SYT14: variants seen among roughly 807,000 people sequenced by gnomAD.
SYT14 encodes the protein synaptotagmin 14.
Under a neutral mutation model 74.2 loss-of-function variants are expected in SYT14, and 32 were observed. The ratio of observed to expected loss-of-function variants is 0.43; its 90% CI spans 0.33 to 0.58. The LOEUF is 0.58. Ranked by LOEUF, SYT14 falls within the 20% of genes least tolerant of loss-of-function variation. SYT14 has a pLI of 0.05. For synonymous variants in SYT14, 298 were observed against 337.7 expected, an observed-to-expected ratio of 0.88 and a Z score of 1.29; for missense variants, 791 against 981.8, an observed-to-expected ratio of 0.81 and a Z score of 2.60.
At chr1:210,006,991 A>C (rs1308858628) in intron 2 of SYT14, among the ~76,000 whole-genome samples, 2 of 151,914 alleles carry the variant, frequency 1.3e-5, no homozygotes, top group Non-Finnish European at 2.9e-5. Flanking sequence ...ATTCTGCAAT[A>C]CTTTCAAAGT....
At chr1:209,944,672 A>G (rs545252678) in intron 1 of SYT14, among the ~76,000 whole-genome samples, 1 of 152,296 alleles carries the variant, frequency 6.6e-6, no homozygotes, top group African/African-American at 2.4e-5. Flanking sequence ...CAGTAATTGC[A>G]TAGCAACAGC....
chr1:210,132,567 T>TTGTGTGTGTG (rs3031264), intron 7 of SYT14, among the ~76,000 whole-genome samples: 108 of 145,078 alleles, frequency 7.4e-4, no homozygotes, highest in African/African-American at 2.4e-3. Context: ...ATTTTATATA[T>TTGTGTGTGTG]TGTGTGTGTG....
At chr1:209,977,835 A>C (rs1470595855) in intron 2 of SYT14, among the ~76,000 whole-genome samples, 1 of 152,182 alleles carries the variant, frequency 6.6e-6, no homozygotes, top group Non-Finnish European at 1.5e-5. Context: ...CATCACTTTC[A>C]GGTACACCAA....
intron 7 of SYT14, among the ~76,000 whole-genome samples, chr1:210,102,783 G>A (rs915753978): frequency 1.3e-5 from 2 of 152,038 alleles, no homozygotes; most frequent in African/African-American, 4.8e-5. Flanking sequence ...CTGGGCTTAA[G>A]TGATCCTCCC....
intron 2 of SYT14, among the ~76,000 whole-genome samples, chr1:209,991,774 G>A (rs1162138701): frequency 6.6e-6 from 1 of 151,370 alleles, no homozygotes; most frequent in African/African-American, 2.4e-5. Context: ...AGGCTGCAGA[G>A]AGCCAAGATC....
chr1:210,005,617 C>G (rs1403788073), intron 2 of SYT14, among the ~76,000 whole-genome samples: 5 of 151,802 alleles, frequency 3.3e-5, no homozygotes, highest in Non-Finnish European at 7.4e-5. Context: ...ATTCGTTGTT[C>G]AAAAGAATGA....
At chr1:210,157,435 C>T (rs887243549) in intron 8 of SYT14, among the ~76,000 whole-genome samples, 2 of 147,956 alleles carry the variant, frequency 1.4e-5, no homozygotes, top group African/African-American at 5.0e-5. Context: ...GAGCAAGACC[C>T]TGTCTTAAAA....
intron 2 of SYT14, among the ~76,000 whole-genome samples, chr1:209,968,486 TTCA>T (rs1285860447): frequency 7.9e-5 from 12 of 151,322 alleles, no homozygotes; most frequent in African/African-American, 2.7e-4. Context: ...ATGGAGTAGT[TTCA>T]TCATATGGAG....
chr1:210,085,364 T>A (rs899186260), intron 5 of SYT14, among the ~76,000 whole-genome samples: 10 of 152,356 alleles, frequency 6.6e-5, no homozygotes, highest in Non-Finnish European at 1.3e-4. Flanking sequence ...TTTTACATCT[T>A]CTTTTTCTCC....
chr1:210,142,057 T>C (rs778121662), intron 7 of SYT14, among the ~76,000 whole-genome samples: 3 of 152,216 alleles, frequency 2.0e-5, no homozygotes, highest in Non-Finnish European at 4.4e-5. Flanking sequence ...ATAGTTCTTA[T>C]CAATCTGAGT....
At chr1:210,111,872 T>G (rs1470358059) in intron 7 of SYT14, among the ~76,000 whole-genome samples, 1 of 151,232 alleles carries the variant, frequency 6.6e-6, no homozygotes, top group South Asian at 2.1e-4. Flanking sequence ...GTTCTATCCT[T>G]AATATAGTCC....
intron 8 of SYT14, chr1:210,156,986 G>T: frequency 5.1e-6 from 1 of 197,392 alleles, no homozygotes; most frequent in Non-Finnish European, 1.1e-5. Context: ...GAGCCACTGC[G>T]CCTGGCCCAG....
At chr1:209,996,880 A>G (rs543328835) in intron 2 of SYT14, among the ~76,000 whole-genome samples, 12 of 152,126 alleles carry the variant, frequency 7.9e-5, no homozygotes, top group African/African-American at 1.2e-4. Flanking sequence ...GATCATCTCA[A>G]TCGACACAGA....
At position 210,040,664 on chromosome 1, in the gene SYT14, C is replaced by T. The variant is rs549274731; in HGVS notation, c.1312+19410C>T. On this transcript the variant is annotated intron_variant, in intron 5 of 9. Coordinates refer to ENST00000637265, the Ensembl canonical transcript of SYT14. The stretch of plus-strand genomic sequence containing the variant: ...GTGTGTAACTATAGGAGTTTCTGAA[C>T]TTAGTAAGAATTAATTCTATGTCTT... Among the ~76,000 whole-genome samples, 5 of 152,222 alleles carry T rather than the reference C, an allele frequency of 3.3e-5. No individual in the cohort carries two copies. In the South Asian group the frequency reaches 1.0e-3, roughly 32 times the overall value.
chr1:209,988,753 C>A (rs536855793), intron 2 of SYT14, among the ~76,000 whole-genome samples: 3 of 152,296 alleles, frequency 2.0e-5, no homozygotes, highest in Non-Finnish European at 4.4e-5. Flanking sequence ...ATTTCATGCT[C>A]TGTGTAAGAT....
chr1:209,953,153 G>C lies in SYT14; in HGVS notation c.-486+397G>C, dbSNP rs1398158846. ...AGGAGTTGGTTGAAATTCAAATCGG[G>C]AACATATCCAAAGACCACAACATCC... On this transcript the variant is annotated intron_variant, in intron 2 of 9. Transcript: ENST00000637265. 17 of 1,290,522 alleles carry C rather than the reference G, an allele frequency of 1.3e-5. No homozygotes were observed. In the South Asian group the frequency reaches 2.1e-4, roughly 16 times the overall value. 79.9% of individuals were successfully genotyped at this position (1,290,522 alleles called of 1,614,324 possible).
chr1:210,145,084 G>A (rs567373888), intron 7 of SYT14, among the ~76,000 whole-genome samples: 1 of 152,286 alleles, frequency 6.6e-6, no homozygotes, highest in Admixed American at 6.5e-5. Flanking sequence ...CTAAAGGTCT[G>A]TAGGTTAGAA....
chr1:210,008,364 GA>G (rs2080026389), intron 2 of SYT14, among the ~76,000 whole-genome samples: 1 of 131,284 alleles, frequency 7.6e-6, no homozygotes, highest in South Asian at 2.5e-4. Flanking sequence ...CTTTTAAATA[GA>G]ATTTTTTTTT....
intron 1 of SYT14, among the ~76,000 whole-genome samples, chr1:209,946,940 G>A (rs540677757): frequency 1.3e-5 from 2 of 152,312 alleles, no homozygotes; most frequent in South Asian, 2.1e-4. Flanking sequence ...GGTTCTTAAG[G>A]ATGCTAAATG....
Sources: gnomAD v4.1 joint callset for allele counts (sites outside exome capture counted in the v4.1 genomes callset) on GRCh38, gnomAD v4.1.1 for gene constraint, MANE v1.5 for transcripts, NCBI Gene and HGNC (gene_info 2026-07-23, HGNC 2026-07-21) for gene names.